The following NTNG2 variants were observed in gnomAD, a reference collection of about 807,000 sequenced individuals.
NTNG2 encodes the protein netrin G2.
Under a neutral mutation model 47.6 loss-of-function variants are expected in NTNG2, and 15 were observed. The observed-to-expected ratio is 0.32, with a 90% CI of 0.21 to 0.49. The LOEUF (loss-of-function observed/expected upper bound fraction) is 0.49. Ranked by LOEUF, NTNG2 falls within the 20% of genes least tolerant of loss-of-function variation. The pLI is 0.99. For missense variants in NTNG2, 578 were observed against 764.6 expected, an observed-to-expected ratio of 0.76 and a Z score of 2.88; for synonymous variants, 307 against 324.6, an observed-to-expected ratio of 0.95 and a Z score of 0.58.
At chr9:132,200,866 TC>T (rs545950822) in intron 3 of NTNG2, among the ~76,000 whole-genome samples, 6 of 152,204 alleles carry the variant, frequency 3.9e-5, no homozygotes, top group Non-Finnish European at 8.8e-5. Context: ...GGAACTGGTG[TC>T]CAGACTTTCA....
chr9:132,162,743 C>T lies in NTNG2; in HGVS notation c.-484+504C>T, dbSNP rs1835166331. ...GAGCCACCCCCATCCCGTGCCCTCC[C>T]ATCTCTCTGCAAACTGGGAGCCTGT... On this transcript the variant is annotated intron_variant, in intron 1 of 7. Transcript: ENST00000393229. This position sits in a 1 kb window ranked among gnomAD's most constrained non-coding sequence, Gnocchi z 4.6. Among the ~76,000 whole-genome samples the T allele has an allele frequency of 2.0e-5, 3 of 151,964 alleles. No homozygotes were observed. The highest frequency in any genetic ancestry group is 1.3e-4 in the Admixed American group (2 of 15,258).
chr9:132,190,102 G>A (rs189723949), intron 2 of NTNG2, among the ~76,000 whole-genome samples: 94 of 149,942 alleles, frequency 6.3e-4, no homozygotes, highest in African/African-American at 2.0e-3. Context: ...GCGTGGTGGC[G>A]GGCACCTGTA....
chr9:132,210,876 G>A (rs1213983416), intron 3 of NTNG2, among the ~76,000 whole-genome samples: 1 of 151,590 alleles, frequency 6.6e-6, no homozygotes, highest in Non-Finnish European at 1.5e-5. Flanking sequence ...ACTCACAGAT[G>A]CTCCCTTAGA....
chr9:132,174,866 G>A (rs1026263516), intron 2 of NTNG2, among the ~76,000 whole-genome samples: 1 of 151,682 alleles, frequency 6.6e-6, no homozygotes, highest in Non-Finnish European at 1.5e-5. Context: ...GGTTTGTAGT[G>A]AACTGAGATC....
intron 2 of NTNG2, among the ~76,000 whole-genome samples, chr9:132,183,357 C>T (rs909905638): frequency 6.6e-6 from 1 of 152,240 alleles, no homozygotes. Flanking sequence ...CTGCGCTCCC[C>T]ACCAAGCTCC....
intron 2 of NTNG2, among the ~76,000 whole-genome samples, chr9:132,173,649 C>G (rs1255016700): frequency 6.6e-6 from 1 of 152,220 alleles, no homozygotes; most frequent in East Asian, 1.9e-4. Flanking sequence ...GATGGATGGA[C>G]AGACGAACGG....
intron 2 of NTNG2, among the ~76,000 whole-genome samples, chr9:132,190,101 C>T (rs538425072): frequency 1.6e-4 from 24 of 149,848 alleles, no homozygotes; most frequent in Non-Finnish European, 2.4e-4. Context: ...GGCGTGGTGG[C>T]GGGCACCTGT....
intron 2 of NTNG2, among the ~76,000 whole-genome samples, chr9:132,184,931 C>T (rs890980351): frequency 2.0e-5 from 3 of 152,170 alleles, no homozygotes; most frequent in African/African-American, 4.8e-5. Context: ...TCAAAGAAAA[C>T]AAGGCTGGAA....
chr9:132,161,975 G>C (rs1460093447), upstream of NTNG2: 1 of 150,104 alleles, frequency 6.7e-6, no homozygotes, highest in East Asian at 2.0e-4. The surrounding 1 kb of genome is among the most constrained non-coding windows in gnomAD (Gnocchi z 7.2). Flanking sequence ...GATGCGGGCG[G>C]CGCGGGCGGC....
At chr9:132,200,953 C>T (rs1030263916) in intron 3 of NTNG2, among the ~76,000 whole-genome samples, 1 of 152,278 alleles carries the variant, frequency 6.6e-6, no homozygotes, top group African/African-American at 2.4e-5. Flanking sequence ...CCAATCCCTG[C>T]AGTCCCACTG....
At chr9:132,214,473 T>G (rs1015657933) in intron 3 of NTNG2, among the ~76,000 whole-genome samples, 2 of 152,230 alleles carry the variant, frequency 1.3e-5, no homozygotes, top group Non-Finnish European at 2.9e-5. Flanking sequence ...TTATCTGGGC[T>G]GGGCTCTCCC....
At chr9:132,179,101 C>T (rs1332770317) in intron 2 of NTNG2, among the ~76,000 whole-genome samples, 1 of 152,208 alleles carries the variant, frequency 6.6e-6, no homozygotes, top group Non-Finnish European at 1.5e-5. Flanking sequence ...AGGCTCCACC[C>T]CAGGCCAAGG....
chr9:132,169,778 C>T (rs947012614), intron 2 of NTNG2, among the ~76,000 whole-genome samples: 1 of 152,226 alleles, frequency 6.6e-6, no homozygotes, highest in African/African-American at 2.4e-5. Context: ...ACTCAGTGTG[C>T]AATACTAGTC....
chr9:132,239,936 C>G (rs112292574), intron 6 of NTNG2, among the ~76,000 whole-genome samples: 2 of 152,250 alleles, frequency 1.3e-5, no homozygotes, highest in Non-Finnish European at 2.9e-5. Context: ...CTTCCAAGTT[C>G]TACTCAAGGA....
intron 3 of NTNG2, among the ~76,000 whole-genome samples, chr9:132,222,112 G>A (rs1387741962): frequency 6.6e-6 from 1 of 152,232 alleles, no homozygotes. Flanking sequence ...GACAAAGTCA[G>A]ACAGGTTTCT....
At chr9:132,214,306 G>T (rs2130849570) in intron 3 of NTNG2, among the ~76,000 whole-genome samples, 1 of 152,352 alleles carries the variant, frequency 6.6e-6, no homozygotes, top group East Asian at 1.9e-4. Flanking sequence ...GCCAGGCCCG[G>T]GTCCAGATGG....
At chr9:132,170,411 C>T (rs974291511) in intron 2 of NTNG2, among the ~76,000 whole-genome samples, 9 of 152,230 alleles carry the variant, frequency 5.9e-5, no homozygotes, top group Admixed American at 3.9e-4. Context: ...AGAGGCGGCC[C>T]CCACCCACAT....
At position 132,199,560 on chromosome 9, in the gene NTNG2, A is replaced by G. The variant is rs1292215333; in HGVS notation, c.857+951A>G. Among the ~76,000 whole-genome samples the G allele has an allele frequency of 2.6e-5, 4 of 152,192 alleles. No homozygotes were observed. The East Asian group carries it at 7.7e-4, about 29-fold the overall frequency. Reference sequence around the variant, plus strand: ...GATGCTTACTGAAGCCTCAGTGTTCAGAGTTTTTACTGGGAGATGATGGTA... The same window carrying G: ...GATGCTTACTGAAGCCTCAGTGTTCGGAGTTTTTACTGGGAGATGATGGTA... On this transcript the variant is annotated intron_variant, in intron 3 of 7. Transcript: ENST00000393229.
chr9:132,183,743 G>GT (rs1338697439), intron 2 of NTNG2, among the ~76,000 whole-genome samples: 3 of 152,226 alleles, frequency 2.0e-5, no homozygotes, highest in Non-Finnish European at 2.9e-5. Flanking sequence ...AACAGGAACA[G>GT]TGTCATCGTG....
Sources: allele counts gnomAD v4.1 joint callset (sites outside exome capture counted in the v4.1 genomes callset), GRCh38; gene constraint gnomAD v4.1.1; non-coding constraint Gnocchi (gnomAD v3.1); transcripts MANE v1.5; gene names NCBI Gene and HGNC (gene_info 2026-07-23, HGNC 2026-07-21).